The following KLHL15 variants were observed in gnomAD, a reference collection of about 807,000 sequenced individuals.
The protein encoded by KLHL15 is kelch-like protein 15.
A neutral mutation model predicts 29.3 loss-of-function variants in KLHL15; 1 was observed. The observed-to-expected ratio is 0.03, with a 90% CI of 0.01 to 0.16. The LOEUF is 0.16. KLHL15 is among the 10% of genes least tolerant of loss of function. The pLI, the probability that KLHL15 is intolerant of heterozygous loss-of-function variation, is 1.00. For missense variants in KLHL15, 215 were observed against 478.5 expected, an observed-to-expected ratio of 0.45 and a Z score of 5.14; for synonymous variants, 212 against 184.5, an observed-to-expected ratio of 1.15 and a Z score of -1.21.
chrX:24,022,897 G>A (rs973293948), intron 2 of KLHL15, among the ~76,000 whole-genome samples: 3 of 108,934 alleles, frequency 2.8e-5, no homozygotes, highest in African/African-American at 1.0e-4. Context: ...ACCACGCCAG[G>A]CTAACTTTGT....
intron 1 of KLHL15, among the ~76,000 whole-genome samples, chrX:24,025,787 C>T (rs374127020): frequency 6.3e-5 from 7 of 110,796 alleles, no homozygotes; most frequent in East Asian, 5.8e-4. Flanking sequence ...TGCCGGCCCG[C>T]CACGCCAGCG....
In KLHL15 at chrX:23,983,895, C is replaced by T. The variant is rs968841393; in HGVS notation, c.*4026G>A. The T allele has an allele frequency of 2.7e-5, 3 of 111,202 alleles. No individual in the cohort carries two copies. Among genetic ancestry groups the T allele is most frequent in the Non-Finnish European group, 5.7e-5 (3 of 53,002 alleles). The allele number at this position is 111,202 out of a possible 1,213,427, so 9.2% of individuals were successfully genotyped here. On this transcript the variant is annotated 3_prime_UTR_variant, in exon 4 of 4. Transcript: ENST00000328046. ...TTTCAAAACAGGTATAAAAGGCAAA[C>T]CTTAAATTATTCTAAGATTTTTATA...
intron 2 of KLHL15, among the ~76,000 whole-genome samples, chrX:24,007,759 T>C (rs907553309): frequency 2.7e-5 from 3 of 109,851 alleles, no homozygotes; most frequent in East Asian, 2.8e-4. Flanking sequence ...AATAGGCAAG[T>C]TGTACATATA....
At chrX:24,015,981 A>G (rs1929669824) in intron 2 of KLHL15, among the ~76,000 whole-genome samples, 1 of 109,841 alleles carries the variant, frequency 9.1e-6, no homozygotes, top group South Asian at 3.9e-4. Flanking sequence ...CCTGGGCAAC[A>G]AGAGTGAAAC....
At chrX:24,022,151 A>G (rs1929818770) in intron 2 of KLHL15, among the ~76,000 whole-genome samples, 1 of 109,861 alleles carries the variant, frequency 9.1e-6, no homozygotes, top group Non-Finnish European at 1.9e-5. Context: ...CCTGGCTAAC[A>G]TGGTGAAACC....
chrX:23,991,374 C>T (rs1383637014), intron 3 of KLHL15, among the ~76,000 whole-genome samples: 1 of 101,328 alleles, frequency 9.9e-6, no homozygotes, highest in Admixed American at 1.0e-4. Flanking sequence ...AAAAAAAAGC[C>T]CAGGTGTGGT....
chrX:24,003,679 G>A (rs867934670), intron 3 of KLHL15, among the ~76,000 whole-genome samples: 1 of 107,770 alleles, frequency 9.3e-6, no homozygotes, highest in African/African-American at 3.4e-5. Context: ...GTGTGTGTGT[G>A]CTCGTGTGCA....
At chrX:24,004,784 T>C (rs1265968376) in intron 3 of KLHL15, among the ~76,000 whole-genome samples, 1 of 85,414 alleles carries the variant, frequency 1.2e-5, no homozygotes, top group Non-Finnish European at 2.2e-5. Flanking sequence ...AGCGAGACTC[T>C]GTCTCAAAAA....
chrX:24,016,175 C>T (rs1188067515), intron 2 of KLHL15, among the ~76,000 whole-genome samples: 2 of 102,089 alleles, frequency 2.0e-5, no homozygotes, highest in Non-Finnish European at 4.0e-5. Context: ...GGTGAAACCC[C>T]GTCTCTACTA....
chrX:24,019,915 T>C (rs565255835), intron 2 of KLHL15, among the ~76,000 whole-genome samples: 7 of 112,514 alleles, frequency 6.2e-5, no homozygotes, highest in East Asian at 5.5e-4. Flanking sequence ...TTAACCTCTA[T>C]GTTTGTGCCA....
In KLHL15 at chrX:24,006,286, A is replaced by C; in HGVS notation, c.408T>G (p.Ile136Met). 1 of 1,211,717 alleles carries C rather than the reference A, an allele frequency of 8.3e-7. No homozygotes were observed. Among genetic ancestry groups the C allele is most frequent in the Non-Finnish European group, 1.1e-6 (1 of 895,541 alleles). ...CGCCGAAATCATCTAAGAGTCTCAT[A>C]ATTTCTGCACAATTTTCTAGGCAGA... ...AKICLENCAE[I>M]MRLLDDFGVN... The change falls in exon 3 of 4, where the codon ATT becomes ATG. Residue 136 changes from isoleucine to methionine, a missense_variant. Transcript: ENST00000328046.
At chrX:24,007,550 ATTG>A (rs1289589734) in intron 2 of KLHL15, among the ~76,000 whole-genome samples, 1 of 101,005 alleles carries the variant, frequency 9.9e-6, no homozygotes, top group Non-Finnish European at 2.0e-5. Flanking sequence ...ACAATGGTAA[ATTG>A]TTATCTTACA....
chrX:24,000,270 G>A (rs902349084), intron 3 of KLHL15, among the ~76,000 whole-genome samples: 1 of 111,037 alleles, frequency 9.0e-6, no homozygotes, highest in Non-Finnish European at 1.9e-5. Context: ...CAGATCATGA[G>A]GTCAGGAGAT....
intron 2 of KLHL15, among the ~76,000 whole-genome samples, chrX:24,007,418 G>A (rs1480589920): frequency 7.9e-5 from 8 of 101,550 alleles, no homozygotes; most frequent in Admixed American, 5.5e-4. Context: ...GCTTGAACTC[G>A]GGAGACGGAG....
chrX:24,017,974 G>A (rs748031707), intron 2 of KLHL15, among the ~76,000 whole-genome samples: 10 of 109,692 alleles, frequency 9.1e-5, no homozygotes, highest in East Asian at 2.8e-4. Context: ...GCTTGGTGGC[G>A]TGCTCCTGTG....
At chrX:24,002,622 A>C (rs1335623196) in intron 3 of KLHL15, among the ~76,000 whole-genome samples, 1 of 76,280 alleles carries the variant, frequency 1.3e-5, no homozygotes, top group African/African-American at 5.0e-5. Context: ...TTTTTTTTGG[A>C]TGGGGTGGGG....
intron 2 of KLHL15, among the ~76,000 whole-genome samples, chrX:24,006,973 A>C (rs374348272): frequency 9.0e-6 from 1 of 110,652 alleles, no homozygotes; most frequent in African/African-American, 3.3e-5. Context: ...GCTTGAGCCC[A>C]GGAGTTGGAG....
intron 3 of KLHL15, among the ~76,000 whole-genome samples, chrX:24,005,736 T>C (rs1021850208): frequency 8.9e-6 from 1 of 112,293 alleles, no homozygotes; most frequent in Non-Finnish European, 1.9e-5. Context: ...AAAGTACTTT[T>C]AAAATAAAAC....
At chrX:24,015,234 C>G (rs967543275) in intron 2 of KLHL15, among the ~76,000 whole-genome samples, 1 of 112,148 alleles carries the variant, frequency 8.9e-6, no homozygotes, top group Non-Finnish European at 1.9e-5. Flanking sequence ...AACAAGAGCA[C>G]TAGACATGAT....
Sources: gnomAD v4.1 joint callset for allele counts (sites outside exome capture counted in the v4.1 genomes callset) on GRCh38, gnomAD v4.1.1 for gene constraint, MANE v1.5 for transcripts, NCBI Gene and HGNC (gene_info 2026-07-23, HGNC 2026-07-21) for gene names.